POLR3B: variants seen among roughly 807,000 people sequenced by gnomAD.
The protein encoded by POLR3B is DNA-directed RNA polymerase III subunit RPC2.
In POLR3B, 96 loss-of-function variants were observed where a neutral mutation model predicts 147.4. The ratio of observed to expected loss-of-function variants is 0.65; its 90% confidence interval spans 0.55 to 0.77. The LOEUF is 0.77. POLR3B is among the 30% of genes least tolerant of loss of function. POLR3B has a pLI of 0.00. For synonymous variants in POLR3B, 461 were observed against 485.9 expected (o/e 0.95, Z 0.67); for missense variants, 1,036 against 1,413.5 (o/e 0.73, Z 4.28).
Position 106,364,266 on chromosome 12 carries a change from A to G in POLR3B, c.105+364A>G, listed in dbSNP as rs544158106. Among the ~76,000 whole-genome samples, 14 of 152,366 alleles carry G rather than the reference A, an allele frequency of 9.2e-5. No individual in the cohort carries two copies. In the South Asian group the frequency reaches 2.3e-3, roughly 25 times the overall value. On this transcript the variant is annotated intron_variant, in intron 2 of 27. Transcript: ENST00000228347. ...AGCTGGGTGCAGAGAGCGTGGCTCAATCAAGGTGTTCAAGAGGAGCCTCCA... is the reference window on the plus strand; with the variant it reads ...AGCTGGGTGCAGAGAGCGTGGCTCAGTCAAGGTGTTCAAGAGGAGCCTCCA...
intron 23 of POLR3B, among the ~76,000 whole-genome samples, chr12:106,471,162 C>T (rs910794376): frequency 6.6e-6 from 1 of 152,196 alleles, no homozygotes; most frequent in Non-Finnish European, 1.5e-5. Context: ...CCTCAAGCCT[C>T]AGCAATTGTG....
At chr12:106,358,810 A>C (rs1383538302) in intron 1 of POLR3B, among the ~76,000 whole-genome samples, 1 of 152,228 alleles carries the variant, frequency 6.6e-6, no homozygotes, top group Non-Finnish European at 1.5e-5. Flanking sequence ...GGGTTAAGTA[A>C]GGGTCTTGAT....
intron 19 of POLR3B, 118 bp downstream of exon 19, chr12:106,444,708 C>T: frequency 9.3e-7 from 1 of 1,077,376 alleles, no homozygotes; most frequent in Non-Finnish European, 1.4e-6. Context: ...ACTGGGAACA[C>T]CTGAGGGTTA....
chr12:106,457,022 A>G lies in POLR3B; in HGVS notation c.2294-116A>G. On this transcript the variant is annotated intron_variant, in intron 20 of 27. Coordinates refer to ENST00000228347, the MANE Select transcript of POLR3B (RefSeq NM_018082.6). The stretch of plus-strand genomic sequence containing the variant: ...CCCAGATTATTATCAAATACAGAGA[A>G]GTTTTGGGATTTGGGGGAGGGTGAG... 3.7e-6 allele frequency: 3 copies of G among 821,334 alleles called. No homozygotes were observed. The South Asian group carries it at 4.2e-5, about 11-fold the overall frequency. 50.9% of individuals were successfully genotyped at this position (821,334 alleles called of 1,614,324 possible).
chr12:106,455,826 G>A (rs974797626), intron 20 of POLR3B, among the ~76,000 whole-genome samples: 1 of 152,130 alleles, frequency 6.6e-6, no homozygotes, highest in Admixed American at 6.5e-5. Context: ...CTTGCTTAAA[G>A]ACACAAATGT....
At chr12:106,447,159 A>G (rs995041824) in intron 19 of POLR3B, among the ~76,000 whole-genome samples, 13 of 152,228 alleles carry the variant, frequency 8.5e-5, no homozygotes, top group South Asian at 2.1e-4. Flanking sequence ...CTGCTGGTCC[A>G]TGTATAACGT....
intron 23 of POLR3B, among the ~76,000 whole-genome samples, chr12:106,477,459 C>T (rs1294909544): frequency 7.0e-6 from 1 of 142,106 alleles, no homozygotes; most frequent in Non-Finnish European, 1.5e-5. Flanking sequence ...GCCCCTCCCC[C>T]AGCCTCGCTG....
Position 106,393,079 on chromosome 12 carries a change from G to A in POLR3B, c.772G>A (p.Glu258Lys). The A allele has an allele frequency of 6.2e-7, 1 of 1,614,204 alleles. No homozygotes were observed. The highest frequency in any genetic ancestry group is 8.5e-7 in the Non-Finnish European group (1 of 1,180,026). The change falls in exon 10 of 28, where the codon GAG (glutamate) becomes AAG (lysine). Residue 258 changes from glutamate to lysine, a missense_variant. Around this residue, in one of 12 missense-constraint regions of POLR3B, gnomAD observed 217 missense variants for 288.7 expected, o/e 0.75. Coordinates refer to ENST00000228347, the MANE Select transcript of POLR3B (RefSeq NM_018082.6). ...GGAAATTGTGCAGATGATTGGAACA[G>A]AGGAGCACGTGATGGCTGCATTTGG... ...DQEIVQMIGT[E>K]EHVMAAFGPS...
intron 20 of POLR3B, among the ~76,000 whole-genome samples, chr12:106,456,571 A>G (rs567136741): frequency 5.3e-5 from 8 of 152,290 alleles, no homozygotes; most frequent in South Asian, 2.1e-4. Flanking sequence ...CTTGCTCTAA[A>G]TGCCAAATTT....
At chr12:106,463,724 T>G in intron 23 of POLR3B, 104 bp downstream of exon 23, 1 of 884,272 alleles carries the variant, frequency 1.1e-6, no homozygotes, top group East Asian at 2.7e-5. Flanking sequence ...TTTGGAAAAG[T>G]ATTACATTGT....
At chr12:106,393,612 A>G (rs192375967) in intron 10 of POLR3B, among the ~76,000 whole-genome samples, 23 of 149,122 alleles carry the variant, frequency 1.5e-4, no homozygotes, top group East Asian at 1.0e-3. Flanking sequence ...TGTGGTTTCT[A>G]TTTCTTTTCC....
intron 10 of POLR3B, among the ~76,000 whole-genome samples, chr12:106,401,040 G>C (rs991563401): frequency 1.3e-5 from 2 of 152,068 alleles, no homozygotes; most frequent in African/African-American, 4.8e-5. Context: ...TCCAGCAGCT[G>C]GTTTTTTGAA....
In POLR3B at chr12:106,357,958, GCC is replaced by G; in HGVS notation, c.72+8_72+9del. On this transcript the variant is annotated splice_region_variant and intron_variant, in intron 1 of 27. Transcript: ENST00000228347. ...GCCGATCCCGACTGTAGAGGTCAGT[GCC>G]AGGCACGCAGGGAGCGTCAGGGACA... The G allele has an allele frequency of 6.2e-7, 1 of 1,612,224 alleles. No individual in the cohort carries two copies. The highest frequency in any genetic ancestry group is 2.2e-5 in the East Asian group (1 of 44,866).
At chr12:106,492,821 A>G (rs1291400155) in intron 23 of POLR3B, among the ~76,000 whole-genome samples, 1 of 152,150 alleles carries the variant, frequency 6.6e-6, no homozygotes, top group Non-Finnish European at 1.5e-5. Context: ...TGATGGAATA[A>G]TATTTTGTCG....
chr12:106,463,609 A>C lies in POLR3B; in HGVS notation c.2702A>C (p.His901Pro). The change falls in exon 23 of 28, where the codon CAT becomes CCT. Residue 901 changes from histidine (H) to proline (P), a missense_variant. By Grantham distance (77) the His-to-Pro change is moderately conservative. This residue lies in a region of POLR3B where 202 missense variants were observed against 272.8 expected (regional missense o/e 0.74). Transcript: ENST00000228347. ...PEIGDKFSSRHGQKGVCGLIV... is the reference protein window; with the variant it reads ...PEIGDKFSSRPGQKGVCGLIV... ...ATTGGAGACAAATTCAGCAGTCGTCATGGGCAAAAAGGTAAACTGTATCAT... is the reference window on the plus strand; with the variant it reads ...ATTGGAGACAAATTCAGCAGTCGTCCTGGGCAAAAAGGTAAACTGTATCAT... 6.2e-7 allele frequency: 1 copy of C among 1,613,294 alleles called. No homozygotes were observed.
chr12:106,444,531 C>T lies in POLR3B; in HGVS notation c.2024C>T (p.Pro675Leu). 1 of 1,613,888 alleles carries T rather than the reference C, an allele frequency of 6.2e-7. No homozygotes were observed. ...GTGTGTGCTGGACTTATCCCATACC[C>T]TCACCATAACCAGTCACCGAGAAAC... The part of the protein sequence containing the change: ...LGVCAGLIPY[P>L]HHNQSPRNTY... The change falls in exon 19 of 28, where the codon CCT (proline) becomes CTT (leucine). Residue 675 changes from proline (P) to leucine (L), a missense_variant. Coordinates refer to ENST00000228347, the MANE Select transcript of POLR3B (RefSeq NM_018082.6).
intron 12 of POLR3B, among the ~76,000 whole-genome samples, chr12:106,420,241 C>G (rs2037357162): frequency 1.3e-5 from 2 of 152,086 alleles, no homozygotes; most frequent in South Asian, 4.2e-4. Context: ...TGGGCCACAC[C>G]TCTCAATGTT....
Position 106,432,299 on chromosome 12 carries a change from A to G in POLR3B, c.1465-19A>G, listed in dbSNP as rs759497264. 6.2e-7 allele frequency: 1 copy of G among 1,610,302 alleles called. No individual in the cohort carries two copies. Among genetic ancestry groups the G allele is most frequent in the South Asian group, 1.1e-5 (1 of 90,992 alleles). On this transcript the variant is annotated intron_variant, in intron 14 of 27. Transcript: ENST00000228347. ...TTACTAATGTTCATTCTTAGAAATG[A>G]CCATCTTTTGTTTTTTAGGCATGTG...
At chr12:106,507,741 C>T in intron 27 of POLR3B, 1 of 455,850 alleles carries the variant, frequency 2.2e-6, no homozygotes, top group Non-Finnish European at 4.4e-6. Flanking sequence ...TTCTCCTCCT[C>T]AGGAAACTCT....
Sources: gnomAD v4.1 joint callset for allele counts (sites outside exome capture counted in the v4.1 genomes callset) on GRCh38, gnomAD v4.1.1 for gene constraint, gnomAD v4.1.1 regional missense constraint, MANE v1.5 for transcripts, NCBI Gene and HGNC (gene_info 2026-07-23, HGNC 2026-07-21) for gene names.